The following ZBTB16 variants were observed in gnomAD, a reference collection of about 807,000 sequenced individuals.
ZBTB16 encodes the protein zinc finger and BTB domain-containing protein 16.
A neutral mutation model predicts 56.8 loss-of-function variants in ZBTB16; 8 were observed. That is an observed-to-expected ratio of 0.14 (90% CI 0.08 to 0.25). ZBTB16 has a LOEUF of 0.25. Ranked by LOEUF, ZBTB16 falls within the 10% of genes least tolerant of loss-of-function variation. The probability of loss-of-function intolerance (pLI) is 1.00; values close to 1 mark genes in which losing one functional copy is unlikely to be tolerated. For missense variants in ZBTB16, 625 were observed against 903.0 expected (o/e 0.69, Z 3.95); for synonymous variants, 363 against 368.5 (o/e 0.98, Z 0.17).
At chr11:114,151,837 A>G (rs946368686) in intron 2 of ZBTB16, among the ~76,000 whole-genome samples, 1 of 152,224 alleles carries the variant, frequency 6.6e-6, no homozygotes, top group African/African-American at 2.4e-5. Context: ...GACATGGTGG[A>G]TGCCCCCTTG....
intron 2 of ZBTB16, among the ~76,000 whole-genome samples, chr11:114,095,386 GA>G (rs1184887501): frequency 2.6e-5 from 4 of 151,064 alleles, no homozygotes; most frequent in African/African-American, 7.3e-5. Context: ...TCAGCCTCCT[GA>G]GTAGCTGGGA....
At chr11:114,216,591 T>C (rs1944103688) in intron 4 of ZBTB16, among the ~76,000 whole-genome samples, 2 of 152,166 alleles carry the variant, frequency 1.3e-5, no homozygotes, top group Non-Finnish European at 2.9e-5. Context: ...AAGACAGTGC[T>C]ATCAGCCTAA....
At chr11:114,142,521 G>A (rs7124349) in intron 2 of ZBTB16, among the ~76,000 whole-genome samples, 4 of 152,090 alleles carry the variant, frequency 2.6e-5, no homozygotes, top group African/African-American at 4.8e-5. Context: ...CAACATATGC[G>A]CTGTTGACAT....
chr11:114,104,958 C>G (rs868091611), intron 2 of ZBTB16, among the ~76,000 whole-genome samples: 1 of 152,074 alleles, frequency 6.6e-6, no homozygotes, highest in African/African-American at 2.4e-5. Flanking sequence ...CCACACAGGC[C>G]GTGGTACTTG....
Position 114,255,396 on chromosome 11 carries a change from T to G in ZBTB16, c.*4841T>G, listed in dbSNP as rs938767150. On this transcript the variant is annotated 3_prime_UTR_variant, in exon 7 of 7. Transcript: ENST00000335953. ...TTTCTTCAATTTTACTGGTTACTTTTTTGTACAAATCAATCTCTTTCTCTC... is the reference window on the plus strand; with the variant it reads ...TTTCTTCAATTTTACTGGTTACTTTGTTGTACAAATCAATCTCTTTCTCTC... Among the ~76,000 whole-genome samples the G allele has an allele frequency of 2.7e-5, 4 of 146,906 alleles. No individual in the cohort carries two copies. The highest frequency in any genetic ancestry group is 9.8e-5 in the African/African-American group (4 of 40,632).
At chr11:114,121,904 C>T in intron 2 of ZBTB16, 1 of 451,306 alleles carries the variant, frequency 2.2e-6, no homozygotes. Context: ...GATGTCATGA[C>T]CCTGTGTTTG....
At chr11:114,094,814 T>A (rs1940320299) in intron 2 of ZBTB16, among the ~76,000 whole-genome samples, 1 of 152,204 alleles carries the variant, frequency 6.6e-6, no homozygotes, top group South Asian at 2.1e-4. Flanking sequence ...GGAGTGGTCG[T>A]CAGCCGAAAG....
At chr11:114,163,175 TCCCCCCAACCCGTCCTCAGTCC>T (rs1352395235) in intron 3 of ZBTB16, among the ~76,000 whole-genome samples, 2 of 148,892 alleles carry the variant, frequency 1.3e-5, no homozygotes, top group African/African-American at 5.0e-5. Context: ...CCTTTTACTC[TCCCCCCAACCCGTCCTCAGTCC>T]CCCCCCAACC....
intron 2 of ZBTB16, among the ~76,000 whole-genome samples, chr11:114,088,297 A>C (rs1248730751): frequency 6.6e-6 from 1 of 151,954 alleles, no homozygotes; most frequent in African/African-American, 2.4e-5. Flanking sequence ...ATGCGCTACC[A>C]TGCCTGGCTA....
chr11:114,156,909 G>T (rs1049141184), intron 3 of ZBTB16, among the ~76,000 whole-genome samples: 3 of 152,148 alleles, frequency 2.0e-5, no homozygotes, highest in African/African-American at 7.2e-5. Context: ...TGGTAATTTT[G>T]CTCATGTTTG....
intron 3 of ZBTB16, among the ~76,000 whole-genome samples, chr11:114,185,235 G>A (rs997464639): frequency 3.3e-5 from 5 of 152,058 alleles, no homozygotes; most frequent in Admixed American, 6.6e-5. Flanking sequence ...ACAACAAAGC[G>A]CTAAGACGTG....
chr11:114,101,294 A>G (rs569841155), intron 2 of ZBTB16, among the ~76,000 whole-genome samples: 61 of 152,178 alleles, frequency 4.0e-4, no homozygotes, highest in South Asian at 3.5e-3. Context: ...TGTGAGCCAC[A>G]GCGCGAGGCC....
intron 2 of ZBTB16, among the ~76,000 whole-genome samples, chr11:114,111,706 C>T (rs1941010364): frequency 6.6e-6 from 1 of 152,172 alleles, no homozygotes; most frequent in Non-Finnish European, 1.5e-5. Flanking sequence ...ATTCTGACAC[C>T]TCTGTTTTGA....
intron 4 of ZBTB16, among the ~76,000 whole-genome samples, chr11:114,239,469 C>T (rs891119754): frequency 1.3e-5 from 2 of 152,060 alleles, no homozygotes; most frequent in African/African-American, 2.4e-5. Context: ...TGGGGGCCAC[C>T]GGGCACAGAA....
intron 2 of ZBTB16, among the ~76,000 whole-genome samples, chr11:114,077,257 T>TA (rs1939604423): frequency 6.6e-6 from 1 of 152,180 alleles, no homozygotes; most frequent in African/African-American, 2.4e-5. Flanking sequence ...AGCCGCTTGC[T>TA]ATGTTCCTCT....
At chr11:114,247,155 G>T (rs748794162) in intron 5 of ZBTB16, 43 bp from the exon 6 acceptor site, 1 of 1,613,732 alleles carries the variant, frequency 6.2e-7, no homozygotes, top group Non-Finnish European at 8.5e-7. Context: ...TGAAGAGGGG[G>T]CAGGGAGAGG....
intron 3 of ZBTB16, among the ~76,000 whole-genome samples, chr11:114,168,445 T>C (rs1459004008): frequency 1.3e-5 from 2 of 152,180 alleles, no homozygotes; most frequent in Non-Finnish European, 2.9e-5. Context: ...AGAAAGACAT[T>C]TATTGAAACT....
Position 114,177,492 on chromosome 11 carries a change from C to T in ZBTB16, c.1367-9460C>T, listed in dbSNP as rs567170466. On this transcript the variant is annotated intron_variant, in intron 3 of 6. Coordinates refer to ENST00000335953, the MANE Select transcript of ZBTB16 (RefSeq NM_006006.6). ...CTCCAACTCCAGACCTCAGGTGATC[C>T]GCCCGCCTCGGCCTGCCAAAGTGCT... Among the ~76,000 whole-genome samples, 360 of 152,202 alleles carry T rather than the reference C, an allele frequency of 2.4e-3. 6 individuals carry two copies. Among genetic ancestry groups the T allele is most frequent in the Non-Finnish European group, 2.2e-3 (153 of 68,012 alleles).
chr11:114,244,580 C>T (rs898687045), intron 5 of ZBTB16, among the ~76,000 whole-genome samples: 2 of 152,042 alleles, frequency 1.3e-5, no homozygotes, highest in Non-Finnish European at 2.9e-5. Context: ...AGGTGCACAC[C>T]GTGCTTCCAA....
Sources: gnomAD v4.1 joint callset for allele counts (sites outside exome capture counted in the v4.1 genomes callset) on GRCh38, gnomAD v4.1.1 for gene constraint, MANE v1.5 for transcripts, NCBI Gene and HGNC (gene_info 2026-07-23, HGNC 2026-07-21) for gene names.